Variants in SUPT7L observed in about 807,000 individuals in gnomAD.
SUPT7L encodes STAGA complex 65 subunit gamma.
In SUPT7L, 15 loss-of-function variants were observed where a neutral mutation model predicts 35.7. The observed-to-expected ratio is 0.42, with a 90% CI of 0.28 to 0.65. The LOEUF is 0.65. SUPT7L is among the 30% of genes least tolerant of loss of function. The pLI, the probability that SUPT7L is intolerant of heterozygous loss-of-function variation, is 0.23. For missense variants in SUPT7L, 434 were observed against 522.2 expected, an observed-to-expected ratio of 0.83 and a Z score of 1.65; for synonymous variants, 168 against 186.2, an observed-to-expected ratio of 0.90 and a Z score of 0.79.
chr2:27,661,875 G>A (rs1273094293), intron 2 of SUPT7L: 2 of 455,152 alleles, frequency 4.4e-6, no homozygotes, highest in Non-Finnish European at 7.9e-6. Context: ...TAGGGTTAAA[G>A]ATAATAAGAA....
intron 3 of SUPT7L, 132 bp downstream of exon 3, chr2:27,660,852 A>C (rs994664772): frequency 2.6e-5 from 32 of 1,240,998 alleles, no homozygotes; most frequent in Non-Finnish European, 3.1e-5. Context: ...AATTACCTGG[A>C]GAAACCTTGG....
Position 27,655,480 on chromosome 2 carries a change from C to T in SUPT7L, c.867G>A (p.Glu289=). The T allele has an allele frequency of 2.5e-6, 4 of 1,614,174 alleles. No individual in the cohort carries two copies. The highest frequency in any genetic ancestry group is 3.4e-6 in the Non-Finnish European group (4 of 1,180,016). The part of the protein sequence containing the change: ...PVSDITFPVS[E]ELEADLASGD... ...CAGAAGCAAGGTCAGCCTCCAGCTC[C>T]TCACTGACAGGAAAAGTGATGTCGC... is the stretch of plus-strand genomic sequence containing the variant. The change falls in exon 5 of 6, where the codon GAG becomes GAA. Residue 289 remains glutamate, a synonymous_variant. Transcript: ENST00000337768.
At chr2:27,650,288 C>T (rs1674465428), downstream of SUPT7L, 1 of 702,572 alleles carries the variant, frequency 1.4e-6, no homozygotes, top group Non-Finnish European at 2.5e-6. Flanking sequence ...GAACTGGGGG[C>T]TCCCATAAGG....
chr2:27,657,537 A>T lies in SUPT7L; in HGVS notation c.552T>A (p.Asp184Glu), dbSNP rs770135844. The part of the protein sequence containing the change: ...ANESVLETLT[D>E]VAHEYCLKFT... ...ACTTAAGGCAATACTCATGTGCCAC[A>T]TCAGTTAGGGTCTCCAGGACACTCT... The change falls in exon 4 of 6, where the codon GAT (aspartate) becomes GAA (glutamate). Residue 184 changes from aspartate to glutamate, a missense_variant. Physicochemically the swap from Asp to Glu is conservative, Grantham distance 45 (BLOSUM62 2). Coordinates refer to ENST00000337768, the MANE Select transcript of SUPT7L (RefSeq NM_014860.3). This position sits in a 1 kb window ranked among gnomAD's most constrained non-coding sequence, Gnocchi z 5.2. 6.2e-7 allele frequency: 1 copy of T among 1,614,232 alleles called. No homozygotes were observed. Among genetic ancestry groups the T allele is most frequent in the Non-Finnish European group, 8.5e-7 (1 of 1,180,048 alleles).
intron 3 of SUPT7L, among the ~76,000 whole-genome samples, chr2:27,660,333 C>T (rs1274835275): frequency 1.3e-5 from 2 of 151,670 alleles, no homozygotes; most frequent in Admixed American, 6.6e-5. Flanking sequence ...AAGTGATTCT[C>T]GTGCCTCAGC....
At chr2:27,649,716 C>T (rs1674433628), downstream of SUPT7L, among the ~76,000 whole-genome samples, 2 of 152,146 alleles carry the variant, frequency 1.3e-5, no homozygotes, top group African/African-American at 2.4e-5. Context: ...TTTTTTATTG[C>T]TGAGTGATAT....
At chr2:27,663,298 A>G (rs771791728) in intron 1 of SUPT7L, 31 bp downstream of exon 1, 1 of 165,034 alleles carries the variant, frequency 6.1e-6, no homozygotes, top group Non-Finnish European at 1.3e-5. Context: ...GAACGAAATA[A>G]CAAAAAAGTC....
chr2:27,654,724 G>A (rs1009809633), intron 5 of SUPT7L, among the ~76,000 whole-genome samples: 10 of 152,046 alleles, frequency 6.6e-5, no homozygotes, highest in East Asian at 3.9e-4. Flanking sequence ...CCACCACCAC[G>A]CCCAGCATAT....
At position 27,657,869 on chromosome 2, in the gene SUPT7L, C is replaced by G. The variant is rs562565970; in HGVS notation, c.420-200G>C. ...CCCATGGTCATATCTTTGAGCTCCT[C>G]CAAAGACATAGTTTGAATAGGCAAT... On this transcript the variant is annotated intron_variant, in intron 3 of 5. Coordinates refer to ENST00000337768, the MANE Select transcript of SUPT7L (RefSeq NM_014860.3). This position sits in a 1 kb window ranked among gnomAD's most constrained non-coding sequence, Gnocchi z 5.2. Among the ~76,000 whole-genome samples, 3 of 152,282 alleles carry G rather than the reference C, an allele frequency of 2.0e-5. No individual in the cohort carries two copies. Among genetic ancestry groups the G allele is most frequent in the Non-Finnish European group, 4.4e-5 (3 of 68,018 alleles).
At chr2:27,642,734 T>C in the SUPT7L span, among the ~76,000 whole-genome samples, 2 of 151,900 alleles carry the variant, frequency 1.3e-5, no homozygotes, top group Admixed American at 6.6e-5. Flanking sequence ...CCGGCTAATT[T>C]TGTATTTTTA....
Position 27,653,273 on chromosome 2 carries a change from T to C in SUPT7L, c.*212A>G, listed in dbSNP as rs979155040. On this transcript the variant is annotated 3_prime_UTR_variant, in exon 6 of 6. Transcript: ENST00000337768. ...CCATGCCAGCATCATATTTTATCTG[T>C]GAAGGGTGGCTTGGTTGTGGAAAAC... 6.5e-6 allele frequency: 4 copies of C among 611,592 alleles called. No individual in the cohort carries two copies. The highest frequency in any genetic ancestry group is 3.7e-5 in the African/African-American group (2 of 54,058). 37.9% of individuals were successfully genotyped at this position (611,592 alleles called of 1,614,324 possible).
rs1191255129 is a variant in SUPT7L at position 27,653,314 on chromosome 2, C to CAAA, written c.*168_*170dup. 3.1e-5 allele frequency: 30 copies of CAAA among 957,810 alleles called. No individual in the cohort carries two copies. The highest frequency in any genetic ancestry group is 4.5e-5 in the Non-Finnish European group (30 of 663,568). The allele number at this position is 957,810 out of a possible 1,614,324, so 59.3% of individuals were successfully genotyped here. ...TGTGGAAAACTATAAAAACTGGATGCAAAAGTAAAATGCAACCTTGTTTGG... is the reference window on the plus strand; with the variant it reads ...TGTGGAAAACTATAAAAACTGGATGCAAAAAAAGTAAAATGCAACCTTGTTTGG... On this transcript the variant is annotated 3_prime_UTR_variant, in exon 6 of 6. Coordinates refer to ENST00000337768, the MANE Select transcript of SUPT7L (RefSeq NM_014860.3).
Position 27,662,185 on chromosome 2 carries a change from A to G in SUPT7L, c.8T>C (p.Leu3Pro). The G allele has an allele frequency of 6.2e-7, 1 of 1,614,166 alleles. No individual in the cohort carries two copies. The highest frequency in any genetic ancestry group is 8.5e-7 in the Non-Finnish European group (1 of 1,180,000). Residue 3 changes from leucine (L) to proline (P), a missense_variant, in exon 2 of 6, where the codon CTG becomes CCG. By Grantham distance (98) the Leu-to-Pro change is moderately conservative (BLOSUM62 -3). This residue lies in a region of SUPT7L where 77 missense variants were observed against 114.4 expected (regional missense o/e 0.67). Coordinates refer to ENST00000337768, the MANE Select transcript of SUPT7L (RefSeq NM_014860.3). ...CAATCTGGTTTCAACTCACCTTTGCAGATTCATTGTCCATATGTCTCTTCA... is the reference window on the plus strand; with the variant it reads ...CAATCTGGTTTCAACTCACCTTTGCGGATTCATTGTCCATATGTCTCTTCA... MN[L>P]QRYWGEIPIS...
chr2:27,651,869 AGGTGCAGTG>A lies in SUPT7L; in HGVS notation c.*1607_*1615del, dbSNP rs1364916953. The stretch of plus-strand genomic sequence containing the variant: ...TGAAGATAAGACTGCAACAGAGGCC[AGGTGCAGTG>A]GCTCACGCCTGTAATCCCAGCACTT... On this transcript the variant is annotated 3_prime_UTR_variant, in exon 6 of 6. Transcript: ENST00000337768. 9 of 152,252 alleles carry A rather than the reference AGGTGCAGTG, an allele frequency of 5.9e-5. No individual in the cohort carries two copies. Among genetic ancestry groups the A allele is most frequent in the Non-Finnish European group, 1.2e-4 (8 of 68,070 alleles). 9.4% of individuals were successfully genotyped at this position (152,252 alleles called of 1,614,324 possible). A position where few individuals can be genotyped will look rare whatever the true frequency, so the allele number is the denominator to read the frequency against.
At chr2:27,662,071 C>G (rs1293420522) in intron 2 of SUPT7L, 108 bp downstream of exon 2, 18 of 1,488,776 alleles carry the variant, frequency 1.2e-5, no homozygotes, top group Admixed American at 5.1e-5. Flanking sequence ...TGCTGCTAGA[C>G]TTACTCTTTT....
At chr2:27,647,516 A>G (rs994076319), downstream of SUPT7L, among the ~76,000 whole-genome samples, 1 of 152,172 alleles carries the variant, frequency 6.6e-6, no homozygotes, top group Non-Finnish European at 1.5e-5. Context: ...GTTAGCTTTC[A>G]TAGGAAAAAC....
chr2:27,653,882 G>A, intron 5 of SUPT7L, 135 bp from the exon 6 acceptor site: 1 of 1,156,370 alleles, frequency 8.6e-7, no homozygotes, highest in East Asian at 2.4e-5. Flanking sequence ...TACTTGGCTG[G>A]AGAATATGGT....
rs1449046142 is a variant in SUPT7L at position 27,653,268 on chromosome 2, A to C, written c.*217T>G. ...GATTGCCATGCCAGCATCATATTTTATCTGTGAAGGGTGGCTTGGTTGTGG... is the reference window on the plus strand; with the variant it reads ...GATTGCCATGCCAGCATCATATTTTCTCTGTGAAGGGTGGCTTGGTTGTGG... On this transcript the variant is annotated 3_prime_UTR_variant, in exon 6 of 6. Coordinates refer to ENST00000337768, the MANE Select transcript of SUPT7L (RefSeq NM_014860.3). The C allele has an allele frequency of 1.7e-6, 1 of 591,836 alleles. No individual in the cohort carries two copies. The highest frequency in any genetic ancestry group is 2.9e-6 in the Non-Finnish European group (1 of 344,382). 36.7% of individuals were successfully genotyped at this position (591,836 alleles called of 1,614,324 possible). A position where few individuals can be genotyped will look rare whatever the true frequency, so the allele number is the denominator to read the frequency against.
chr2:27,663,584 C>G lies in SUPT7L; in HGVS notation c.-345G>C, dbSNP rs551997262. On this transcript the variant is annotated 5_prime_UTR_variant, in exon 1 of 6. Coordinates refer to ENST00000337768, the MANE Select transcript of SUPT7L (RefSeq NM_014860.3). ...GGCCTGAGGCAAGGATCGCGTCAGA[C>G]CCCGAAAGCTGGTTTGTTGATTAGT... is the stretch of plus-strand genomic sequence containing the variant. 1 of 626,890 alleles carries G rather than the reference C, an allele frequency of 1.6e-6. No homozygotes were observed. Among genetic ancestry groups the G allele is most frequent in the East Asian group, 2.8e-5 (1 of 35,850 alleles). The allele number at this position is 626,890 out of a possible 1,614,324, so 38.8% of individuals were successfully genotyped here.
Sources: gnomAD v4.1 joint callset for allele counts (sites outside exome capture counted in the v4.1 genomes callset) on GRCh38, gnomAD v4.1.1 for gene constraint, gnomAD v4.1.1 regional missense constraint, Gnocchi (gnomAD v3.1) non-coding constraint, MANE v1.5 for transcripts, NCBI Gene and HGNC (gene_info 2026-07-23, HGNC 2026-07-21) for gene names.